PTPRN2: variants seen among roughly 807,000 people sequenced by gnomAD.
The protein encoded by PTPRN2 is protein tyrosine phosphatase receptor type N2, also known as receptor-type tyrosine-protein phosphatase N2.
PTPRN2 carries 74 observed loss-of-function variants against 118.8 expected under a neutral mutation model. The ratio of observed to expected loss-of-function variants is 0.62; its 90% CI spans 0.52 to 0.76. The LOEUF (loss-of-function observed/expected upper bound fraction) is 0.76. Among genes scored for constraint, PTPRN2 ranks in the 30% least tolerant of loss-of-function variants. The pLI, the probability that PTPRN2 is intolerant of heterozygous loss-of-function variation, is 0.00. For missense variants in PTPRN2, 1,481 were observed against 1,394.4 expected (o/e 1.06, Z -0.99); for synonymous variants, 641 against 608.0 (o/e 1.05, Z -0.80).
At chr7:158,538,782 G>A (rs1825799080) in intron 1 of PTPRN2, among the ~76,000 whole-genome samples, 1 of 152,212 alleles carries the variant, frequency 6.6e-6, no homozygotes, top group African/African-American at 2.4e-5. Flanking sequence ...CCTGCCTCGT[G>A]CAGGGCCCTG....
At chr7:157,891,711 A>C (rs1361615348) in intron 12 of PTPRN2, among the ~76,000 whole-genome samples, 1 of 152,144 alleles carries the variant, frequency 6.6e-6, no homozygotes, top group Non-Finnish European at 1.5e-5. Flanking sequence ...TCTCACCCAG[A>C]AGCCCAGTGA....
At chr7:157,910,456 G>A (rs1380699139) in intron 11 of PTPRN2, among the ~76,000 whole-genome samples, 1 of 147,400 alleles carries the variant, frequency 6.8e-6, no homozygotes, top group African/African-American at 2.5e-5. Flanking sequence ...CACGTACGCC[G>A]GATCACGCAC....
Position 157,820,877 on chromosome 7 carries a change from C to G in PTPRN2, c.1788+77796G>C, listed in dbSNP as rs575714030. 1.4e-3 allele frequency among the ~76,000 whole-genome samples: 214 copies of G among 152,346 alleles called. 1 individual carries two copies. Among genetic ancestry groups the G allele is most frequent in the Non-Finnish European group, 2.4e-3 (163 of 68,030 alleles). On this transcript the variant is annotated intron_variant, in intron 12 of 22. Coordinates refer to ENST00000389418, the MANE Select transcript of PTPRN2 (RefSeq NM_002847.5). The stretch of plus-strand genomic sequence containing the variant: ...CCTCACCCAGAGGGAAAGTGTCAGG[C>G]TGGGGCTCACTTTTTGCCCTTTGGA...
chr7:158,341,027 C>A (rs1199489449), intron 2 of PTPRN2, among the ~76,000 whole-genome samples: 1 of 9,962 alleles, frequency 1.0e-4, no homozygotes, highest in Non-Finnish European at 2.1e-4. Context: ...TCACTCACAC[C>A]CACACTCACC....
At chr7:157,688,849 C>A (rs976124229) in intron 12 of PTPRN2, among the ~76,000 whole-genome samples, 1 of 152,192 alleles carries the variant, frequency 6.6e-6, no homozygotes, top group Non-Finnish European at 1.5e-5. Context: ...CCCCGTCCCT[C>A]CCCCCTCGCC....
At chr7:158,182,804 C>T (rs1447039873) in intron 5 of PTPRN2, among the ~76,000 whole-genome samples, 1 of 152,178 alleles carries the variant, frequency 6.6e-6, no homozygotes, top group Non-Finnish European at 1.5e-5. Context: ...TCTGTTAGAT[C>T]CATTTGTTCT....
intron 1 of PTPRN2, among the ~76,000 whole-genome samples, chr7:158,579,882 C>T (rs56256452): frequency 0.016 from 2,366 of 152,274 alleles, 74 homozygotes; most frequent in African/African-American, 0.054. Flanking sequence ...GAATGGGTGC[C>T]GCTCCATAGG....
At position 158,371,299 on chromosome 7, in the gene PTPRN2, CTA is replaced by C. The variant is rs1809973271; in HGVS notation, c.164-54369_164-54368del. ...AAATTAGGTGAATAGTTATCAGATC[CTA>C]TAATAAGAGAGACTTCCTAAACAAG... On this transcript the variant is annotated intron_variant, in intron 2 of 22. Transcript: ENST00000389418. 2.0e-5 allele frequency among the ~76,000 whole-genome samples: 3 copies of C among 150,000 alleles called. No individual in the cohort carries two copies. The South Asian group carries it at 6.3e-4, about 31-fold the overall frequency.
intron 12 of PTPRN2, among the ~76,000 whole-genome samples, chr7:157,841,013 C>T (rs761325870): frequency 3.9e-5 from 6 of 152,232 alleles, no homozygotes; most frequent in African/African-American, 7.2e-5. Context: ...TCACAACGGC[C>T]GCTGCCTGGC....
At chr7:158,125,887 C>T (rs559402824) in intron 9 of PTPRN2, among the ~76,000 whole-genome samples, 1 of 152,288 alleles carries the variant, frequency 6.6e-6, no homozygotes, top group East Asian at 1.9e-4. Context: ...CTCGGCTGCA[C>T]CCCGTCCTGG....
chr7:158,080,255 G>A (rs1240887853), intron 11 of PTPRN2, among the ~76,000 whole-genome samples: 7 of 110,952 alleles, frequency 6.3e-5, no homozygotes, highest in East Asian at 2.8e-4. Flanking sequence ...TTGAAATCCC[G>A]AAATAAACCA....
chr7:157,853,054 T>A (rs374534797), intron 12 of PTPRN2, among the ~76,000 whole-genome samples: 8 of 152,112 alleles, frequency 5.3e-5, no homozygotes, highest in East Asian at 1.9e-4. Context: ...GGATGGTCTC[T>A]GGGGCCGTCC....
intron 11 of PTPRN2, among the ~76,000 whole-genome samples, chr7:158,038,329 G>T (rs1346853658): frequency 6.6e-6 from 1 of 152,020 alleles, no homozygotes; most frequent in Non-Finnish European, 1.5e-5. Flanking sequence ...AAATACAAGG[G>T]CCAGGACAAC....
chr7:158,247,695 C>A (rs760733280), intron 3 of PTPRN2, among the ~76,000 whole-genome samples: 13 of 152,184 alleles, frequency 8.5e-5, no homozygotes, highest in Admixed American at 2.0e-4. Flanking sequence ...TGGCTCACTG[C>A]AATCTCCGCC....
At chr7:158,407,324 T>C (rs1258057341) in intron 2 of PTPRN2, among the ~76,000 whole-genome samples, 3 of 91,498 alleles carry the variant, frequency 3.3e-5, no homozygotes, top group East Asian at 4.4e-4. Context: ...TCCTGGGTCC[T>C]GCGTCCTGGG....
At chr7:158,236,023 C>T (rs1284867856) in intron 3 of PTPRN2, among the ~76,000 whole-genome samples, 1 of 152,076 alleles carries the variant, frequency 6.6e-6, no homozygotes, top group Middle Eastern at 3.2e-3. Flanking sequence ...GGGGAAACTG[C>T]AGGGTGACTG....
chr7:158,173,170 T>G (rs1163913051), intron 5 of PTPRN2, among the ~76,000 whole-genome samples: 1 of 150,764 alleles, frequency 6.6e-6, no homozygotes, highest in Non-Finnish European at 1.5e-5. Context: ...ATCCACACCA[T>G]CATCACCCTC....
rs570447153 is a variant in PTPRN2 at position 158,440,289 on chromosome 7, G to A, written c.163+49446C>T. ...CTCCCAAAAGCTAGATGGATTGTCC[G>A]TTCCATTCGGGCTTCAAATCAGAGG... On this transcript the variant is annotated intron_variant, in intron 2 of 22. Transcript: ENST00000389418. Among the ~76,000 whole-genome samples the A allele has an allele frequency of 2.7e-4, 41 of 152,352 alleles. No homozygotes were observed. In the Middle Eastern group the frequency reaches 0.01, roughly 38 times the overall value.
intron 4 of PTPRN2, among the ~76,000 whole-genome samples, chr7:158,197,097 C>T (rs762340739): frequency 6.6e-6 from 1 of 152,136 alleles, no homozygotes; most frequent in African/African-American, 2.4e-5. Flanking sequence ...TGAACAAAAT[C>T]GTATTCAGAA....
Sources: gnomAD v4.1 joint callset for allele counts (sites outside exome capture counted in the v4.1 genomes callset) on GRCh38, gnomAD v4.1.1 for gene constraint, MANE v1.5 for transcripts, NCBI Gene and HGNC (gene_info 2026-07-23, HGNC 2026-07-21) for gene names.